The following BAZ2A variants were observed in gnomAD, a reference collection of about 807,000 sequenced individuals.
The protein encoded by BAZ2A is bromodomain adjacent to zinc finger domain 2A, also known as bromodomain adjacent to zinc finger domain protein 2A.
In BAZ2A, 34 loss-of-function variants were observed where a neutral mutation model predicts 199.9. The ratio of observed to expected loss-of-function variants is 0.17; its 90% CI spans 0.13 to 0.23. The LOEUF (loss-of-function observed/expected upper bound fraction) is 0.23. Ranked by LOEUF, BAZ2A falls within the 10% of genes least tolerant of loss-of-function variation. The pLI is 1.00. For synonymous variants in BAZ2A, 857 were observed against 883.9 expected (o/e 0.97, Z 0.54); for missense variants, 2,002 against 2,391.1 (o/e 0.84, Z 3.39).
chr12:56,625,746 C>T (rs867332470), intron 1 of BAZ2A, among the ~76,000 whole-genome samples: 46 of 151,390 alleles, frequency 3.0e-4, no homozygotes, highest in Non-Finnish European at 5.2e-4. Context: ...CATGGTGGCG[C>T]GCGCCTGTAG....
intron 1 of BAZ2A, among the ~76,000 whole-genome samples, chr12:56,619,549 C>A (rs1272342531): frequency 6.6e-6 from 1 of 151,282 alleles, no homozygotes; most frequent in African/African-American, 2.4e-5. Flanking sequence ...ATATATATGC[C>A]CACTGGCCAA....
Position 56,612,930 on chromosome 12 carries a change from C to A in BAZ2A, c.1135+85G>T. 3 of 1,433,270 alleles carry A rather than the reference C, an allele frequency of 2.1e-6. No individual in the cohort carries two copies. In the South Asian group the frequency reaches 3.7e-5, roughly 18 times the overall value. 88.8% of individuals were successfully genotyped at this position (1,433,270 alleles called of 1,614,324 possible). ...AGCCACTGCGCCCAGCCAGATTTCC[C>A]ACTCTTAAGGCCCTAACTATGAAAC... On this transcript the variant is annotated intron_variant, in intron 5 of 28. Coordinates refer to ENST00000549884, the MANE Select transcript of BAZ2A (RefSeq NM_001300905.2).
Position 56,612,242 on chromosome 12 carries a change from G to C in BAZ2A, c.1140C>G (p.Asn380Lys), listed in dbSNP as rs1470819934. 1 of 1,610,260 alleles carries C rather than the reference G, an allele frequency of 6.2e-7. No homozygotes were observed. The highest frequency in any genetic ancestry group is 8.5e-7 in the Non-Finnish European group (1 of 1,177,494). Reference sequence around the variant, plus strand: ...CACTACCATTATTCAGGTCAAAGCTGTTATCTAGAATCCAAAGGGACAGGA... The same window carrying C: ...CACTACCATTATTCAGGTCAAAGCTCTTATCTAGAATCCAAAGGGACAGGA... ...PVLGESVLQD[N>K]SFDLNNGSDA... The change falls in exon 6 of 29, where the codon AAC (asparagine) becomes AAG (lysine). Residue 380 changes from asparagine to lysine, a missense_variant. Asn to Lys is a moderately conservative substitution (Grantham distance 94). Coordinates refer to ENST00000549884, the MANE Select transcript of BAZ2A (RefSeq NM_001300905.2).
At chr12:56,618,497 C>T (rs1322474008) in intron 1 of BAZ2A, among the ~76,000 whole-genome samples, 1 of 152,060 alleles carries the variant, frequency 6.6e-6, no homozygotes. Context: ...TATTGGTAAA[C>T]TCTAACATAT....
At chr12:56,602,679 G>A in intron 19 of BAZ2A, 34 bp downstream of exon 19, 1 of 1,595,960 alleles carries the variant, frequency 6.3e-7, no homozygotes, top group Non-Finnish European at 8.6e-7. Context: ...TGTTTGATAG[G>A]ACTCAGAATC....
chr12:56,606,765 G>A, intron 10 of BAZ2A, 32 bp from the exon 11 acceptor site: 1 of 1,582,738 alleles, frequency 6.3e-7, no homozygotes. Flanking sequence ...TGAAACAAGT[G>A]AGGCAGGAAG....
intron 1 of BAZ2A, among the ~76,000 whole-genome samples, chr12:56,622,047 A>T (rs73335287): frequency 6.6e-6 from 1 of 151,656 alleles, no homozygotes; most frequent in Non-Finnish European, 1.5e-5. Context: ...TCAAAAAGAT[A>T]ATCAGGCCTG....
intron 7 of BAZ2A, 142 bp from the exon 8 acceptor site, chr12:56,610,659 G>A: frequency 1.4e-6 from 1 of 709,892 alleles, no homozygotes; most frequent in East Asian, 2.7e-5. Flanking sequence ...AGCACCAAGA[G>A]AGATAAGCTT....
At chr12:56,615,654 C>T (rs771583341) in intron 2 of BAZ2A, 47 bp from the exon 3 acceptor site, 6 of 1,380,738 alleles carry the variant, frequency 4.3e-6, no homozygotes, top group Non-Finnish European at 5.9e-6. Flanking sequence ...TGTAGGCAAG[C>T]AACTTTACCA....
rs1886452891 is a variant in BAZ2A, at chr12:56,601,292, C to G, written c.4182G>C (p.Gln1394His). ...TGGGCTGTCCCAGCCCTGTGGGACTCTGTGGCATTTCTCCAGGGTCTCCTG... is the reference window on the plus strand; with the variant it reads ...TGGGCTGTCCCAGCCCTGTGGGACTGTGTGGCATTTCTCCAGGGTCTCCTG... ...RRAGDPGEMP[Q>H]SPTGLGQPKR... is the part of the protein sequence containing the mutation. Residue 1394 changes from glutamine to histidine, a missense_variant, in exon 21 of 29, where the codon CAG becomes CAC. Transcript: ENST00000549884. The G allele has an allele frequency of 2.5e-6, 4 of 1,613,928 alleles. No homozygotes were observed. In the South Asian group the frequency reaches 3.3e-5, roughly 13 times the overall value.
At chr12:56,632,499 A>G (rs541650894), upstream of BAZ2A, among the ~76,000 whole-genome samples, 3 of 151,852 alleles carry the variant, frequency 2.0e-5, no homozygotes, top group African/African-American at 4.8e-5. Context: ...ACACCCACAC[A>G]CACCCACCAC....
rs780853732 is a variant in BAZ2A, at chr12:56,601,765, T to C, written c.3852A>G (p.Ser1284=). 5 of 1,613,976 alleles carry C rather than the reference T, an allele frequency of 3.1e-6. No individual in the cohort carries two copies. Among genetic ancestry groups the C allele is most frequent in the Non-Finnish European group, 4.2e-6 (5 of 1,179,856 alleles). ...TQSHSSLLSS[S]VLTPDSSPGK... is the part of the protein sequence containing the mutation. ...CCGGACTGCTATCAGGTGTGAGGAC[T>C]GAGCTGCTCAACAGGGAGCTATGGC... Residue 1284 remains serine (S), a synonymous_variant, in exon 20 of 29, where the codon TCA becomes TCG. Transcript: ENST00000549884.
At chr12:56,605,700 T>G (rs1400271528) in intron 13 of BAZ2A, 130 bp downstream of exon 13, 5 of 1,052,686 alleles carry the variant, frequency 4.7e-6, no homozygotes, top group Non-Finnish European at 6.7e-6. Flanking sequence ...GGGATTACAG[T>G]GTGAGCCATG....
At chr12:56,609,090 G>A (rs1195042584) in intron 10 of BAZ2A, among the ~76,000 whole-genome samples, 1 of 151,908 alleles carries the variant, frequency 6.6e-6, no homozygotes, top group Non-Finnish European at 1.5e-5. Context: ...ATGTTCGCCA[G>A]GATGGTCTCA....
chr12:56,633,557 A>G (rs775257893), upstream of BAZ2A, among the ~76,000 whole-genome samples: 3 of 152,094 alleles, frequency 2.0e-5, no homozygotes, highest in Non-Finnish European at 4.4e-5. Context: ...AATGGATCAT[A>G]CTGTTAACAG....
chr12:56,604,390 A>G, intron 15 of BAZ2A, 99 bp from the exon 16 acceptor site: 2 of 1,385,070 alleles, frequency 1.4e-6, no homozygotes, highest in Non-Finnish European at 2.0e-6. Context: ...GTTCCAGCCT[A>G]GAACCCAGAT....
At chr12:56,616,824 A>T (rs983801209) in intron 2 of BAZ2A, among the ~76,000 whole-genome samples, 2 of 152,220 alleles carry the variant, frequency 1.3e-5, no homozygotes, top group African/African-American at 4.8e-5. Flanking sequence ...GTCATGGTAC[A>T]GAGCAACTGG....
chr12:56,631,480 C>T (rs1257198442), upstream of BAZ2A, among the ~76,000 whole-genome samples: 1 of 149,098 alleles, frequency 6.7e-6, no homozygotes, highest in Non-Finnish European at 1.5e-5. Context: ...AATTCTAGTT[C>T]AACCTTCTCT....
At chr12:56,613,685 A>G (rs12312913) in intron 4 of BAZ2A, among the ~76,000 whole-genome samples, 17,034 of 152,214 alleles carry the variant, frequency 0.11, 2,662 homozygotes, top group African/African-American at 0.35. Flanking sequence ...CAACTGTGTG[A>G]TAATAAGTCC....
Sources: gnomAD v4.1 joint callset for allele counts (sites outside exome capture counted in the v4.1 genomes callset) on GRCh38, gnomAD v4.1.1 for gene constraint, MANE v1.5 for transcripts, NCBI Gene and HGNC (gene_info 2026-07-23, HGNC 2026-07-21) for gene names.